DSCAM: variants seen among roughly 807,000 people sequenced by gnomAD.
The protein encoded by DSCAM is DS cell adhesion molecule.
In DSCAM, 47 loss-of-function variants were observed where a neutral mutation model predicts 217.7. That is an observed-to-expected ratio of 0.22 (90% CI 0.17 to 0.28). The LOEUF is 0.28. Among genes scored for constraint, DSCAM ranks in the 10% least tolerant of loss-of-function variants. The pLI, the probability that DSCAM is intolerant of heterozygous loss-of-function variation, is 1.00. For missense variants in DSCAM, 2,080 were observed against 2,618.3 expected (o/e 0.79, Z 4.49); for synonymous variants, 1,056 against 1,015.3 (o/e 1.04, Z -0.76).
At chr21:40,795,187 T>A (rs1237654442) in intron 1 of DSCAM, among the ~76,000 whole-genome samples, 1 of 152,170 alleles carries the variant, frequency 6.6e-6, no homozygotes, top group Non-Finnish European at 1.5e-5. Flanking sequence ...CTGTCCACAA[T>A]TGCCTGGACT....
At chr21:40,247,861 A>G (rs1294252285) in intron 11 of DSCAM, among the ~76,000 whole-genome samples, 2 of 152,170 alleles carry the variant, frequency 1.3e-5, no homozygotes, top group East Asian at 3.9e-4. Flanking sequence ...CTCCATGAGG[A>G]CCATGCCCCT....
In DSCAM at chr21:40,125,593, C is replaced by A. The variant is rs1376883359; in HGVS notation, c.3563-1265G>T. Among the ~76,000 whole-genome samples the A allele has an allele frequency of 2.6e-5, 4 of 152,204 alleles. No homozygotes were observed. The South Asian group carries it at 6.2e-4, about 24-fold the overall frequency. On this transcript the variant is annotated intron_variant, in intron 19 of 32. Coordinates refer to ENST00000400454, the MANE Select transcript of DSCAM (RefSeq NM_001389.5). ...CTCTTCTAAGTCTGCATAACAAAAC[C>A]AAGAGCTCTGGTGAGAACTAACTTG...
At chr21:40,192,527 C>G (rs1297353217) in intron 11 of DSCAM, among the ~76,000 whole-genome samples, 1 of 152,156 alleles carries the variant, frequency 6.6e-6, no homozygotes, top group African/African-American at 2.4e-5. Context: ...CTGAGGCTTC[C>G]CTAGTCGCAT....
chr21:40,356,824 A>G (rs1474191081), intron 4 of DSCAM, among the ~76,000 whole-genome samples: 1 of 152,214 alleles, frequency 6.6e-6, no homozygotes, highest in African/African-American at 2.4e-5. Flanking sequence ...TATTAGTAGG[A>G]AGACTTCTTT....
At chr21:40,353,850 A>G in intron 4 of DSCAM, 107 bp from the exon 5 acceptor site, 1 of 963,562 alleles carries the variant, frequency 1.0e-6, no homozygotes, top group Non-Finnish European at 1.4e-6. Flanking sequence ...CATACCAACT[A>G]TTGATACAGA....
chr21:40,641,543 T>C (rs1034263893), intron 3 of DSCAM, among the ~76,000 whole-genome samples: 1 of 152,220 alleles, frequency 6.6e-6, no homozygotes, highest in African/African-American at 2.4e-5. Flanking sequence ...TTCTTTCTTT[T>C]GGTCACAGGC....
At position 40,187,139 on chromosome 21, in the gene DSCAM, T is replaced by C. The variant is rs1050228258; in HGVS notation, c.2771A>G (p.Asn924Ser). 1.9e-6 allele frequency: 3 copies of C among 1,613,236 alleles called. No homozygotes were observed. Among genetic ancestry groups the C allele is most frequent in the Non-Finnish European group, 2.5e-6 (3 of 1,179,686 alleles). The change falls in exon 14 of 33, where the codon AAT (asparagine) becomes AGT (serine). Residue 924 changes from asparagine (N) to serine (S), a missense_variant. Around this residue, in one of 5 missense-constraint regions of DSCAM, gnomAD observed 1,144 missense variants for 1,421.1 expected, o/e 0.81. Coordinates refer to ENST00000400454, the MANE Select transcript of DSCAM (RefSeq NM_001389.5). ...PITGYDIECK[N>S]KSDSWDSAQR... The stretch of plus-strand genomic sequence containing the variant: ...GGAAGTAAAGAACTTACCTGATTTA[T>C]TTTTGCATTCAATATCGTAGCCTGT...
intron 3 of DSCAM, among the ~76,000 whole-genome samples, chr21:40,489,582 G>A (rs1207645165): frequency 4.0e-5 from 6 of 151,620 alleles, no homozygotes; most frequent in African/African-American, 4.8e-5. Context: ...AGACCATCCC[G>A]GCTAAAACGG....
At chr21:40,595,702 T>C (rs2077016601) in intron 3 of DSCAM, among the ~76,000 whole-genome samples, 1 of 152,164 alleles carries the variant, frequency 6.6e-6, no homozygotes, top group South Asian at 2.1e-4. Flanking sequence ...TTCCAATTTA[T>C]AAGAGGATCA....
chr21:40,071,781 T>C, intron 27 of DSCAM, among the ~76,000 whole-genome samples: 1 of 152,386 alleles, frequency 6.6e-6, no homozygotes, highest in African/African-American at 2.4e-5. Context: ...CTGTACCTTA[T>C]GTGGGTTCGC....
chr21:40,572,241 T>C (rs1394290589), intron 3 of DSCAM, among the ~76,000 whole-genome samples: 4 of 152,156 alleles, frequency 2.6e-5, no homozygotes, highest in Non-Finnish European at 5.9e-5. Context: ...GTGATAGTCT[T>C]AGATTTTTTT....
chr21:40,157,684 CCTTTTCT>C (rs1272945798), intron 16 of DSCAM, among the ~76,000 whole-genome samples: 1 of 104,382 alleles, frequency 9.6e-6, no homozygotes, highest in Non-Finnish European at 2.2e-5. Flanking sequence ...GTCTCTCTTT[CCTTTTCT>C]TTTTTCTTTT....
At chr21:40,430,572 C>A (rs2205088) in intron 3 of DSCAM, among the ~76,000 whole-genome samples, 29,455 of 152,094 alleles carry the variant, frequency 0.19, 3,157 homozygotes, top group African/African-American at 0.27. Context: ...CAGACAGCCT[C>A]TTGTGAGATC....
intron 5 of DSCAM, among the ~76,000 whole-genome samples, chr21:40,350,963 G>C (rs1319671669): frequency 1.4e-5 from 2 of 138,830 alleles, no homozygotes; most frequent in African/African-American, 5.5e-5. Context: ...ATCATACAGA[G>C]GAGTTTCTGT....
At chr21:40,141,795 G>A (rs2146712008) in intron 18 of DSCAM, among the ~76,000 whole-genome samples, 1 of 152,206 alleles carries the variant, frequency 6.6e-6, no homozygotes, top group Non-Finnish European at 1.5e-5. Context: ...GCCTCGCTCT[G>A]CCCCAGCACA....
Position 40,342,380 on chromosome 21 carries a change from GCTTT to G in DSCAM, c.1211-2969_1211-2966del, listed in dbSNP as rs530679551. 1.6e-3 allele frequency among the ~76,000 whole-genome samples: 240 copies of G among 151,680 alleles called. 1 individual carries two copies. In the Middle Eastern group the frequency reaches 0.021, roughly 13 times the overall value. On this transcript the variant is annotated intron_variant, in intron 6 of 32. Transcript: ENST00000400454. ...TAATGTATTTGTGTTGACATTTAAT[GCTTT>G]CTGTGTCCTAAGAAATCGTCACCTA...
intron 15 of DSCAM, among the ~76,000 whole-genome samples, 159 bp downstream of exon 15, chr21:40,178,768 G>A (rs1030304875): frequency 6.6e-6 from 1 of 152,202 alleles, no homozygotes; most frequent in Non-Finnish European, 1.5e-5. Context: ...GATGCAGAGC[G>A]CTGTCTGCGT....
chr21:40,160,105 C>T (rs536839962), intron 16 of DSCAM, among the ~76,000 whole-genome samples: 6 of 152,254 alleles, frequency 3.9e-5, no homozygotes, highest in African/African-American at 1.4e-4. Context: ...CATCCGTTAT[C>T]CTCTATGGCT....
chr21:40,315,423 A>T (rs186543747), intron 8 of DSCAM, among the ~76,000 whole-genome samples: 284 of 152,066 alleles, frequency 1.9e-3, no homozygotes, highest in Middle Eastern at 6.8e-3. Context: ...AAAGGAAAAC[A>T]TAGAGTGTAG....
Sources: allele counts gnomAD v4.1 joint callset (sites outside exome capture counted in the v4.1 genomes callset), GRCh38; gene constraint gnomAD v4.1.1; regional missense constraint gnomAD v4.1.1; transcripts MANE v1.5; gene names NCBI Gene and HGNC (gene_info 2026-07-23, HGNC 2026-07-21).